CNTN5: variants seen among roughly 807,000 people sequenced by gnomAD.
The protein encoded by CNTN5 is contactin 5, also known as contactin-5.
CNTN5 carries 77 observed loss-of-function variants against 129.1 expected under a neutral mutation model. The ratio of observed to expected loss-of-function variants is 0.60; its 90% CI spans 0.50 to 0.72. The LOEUF is 0.72. Among genes scored for constraint, CNTN5 ranks in the 30% least tolerant of loss-of-function variants. The pLI, the probability that CNTN5 is intolerant of heterozygous loss-of-function variation, is 0.00. For missense variants in CNTN5, 1,478 were observed against 1,328.8 expected (o/e 1.11, Z -1.75); for synonymous variants, 509 against 465.6 (o/e 1.09, Z -1.20).
intron 2 of CNTN5, among the ~76,000 whole-genome samples, chr11:99,370,357 C>A (rs377169921): frequency 1.3e-5 from 2 of 152,064 alleles, no homozygotes; most frequent in Non-Finnish European, 2.9e-5. Flanking sequence ...GTTTTTAGGT[C>A]GCAAAGAAAA....
At chr11:99,851,668 C>T (rs1411780119) in intron 6 of CNTN5, among the ~76,000 whole-genome samples, 1 of 152,208 alleles carries the variant, frequency 6.6e-6, no homozygotes, top group East Asian at 1.9e-4. Flanking sequence ...TAGTTCCTAT[C>T]TAAATTTGAA....
chr11:100,156,939 G>C (rs1947264307), intron 13 of CNTN5, among the ~76,000 whole-genome samples: 2 of 151,832 alleles, frequency 1.3e-5, no homozygotes, highest in South Asian at 4.2e-4. Flanking sequence ...TAAAAAACCA[G>C]CTCCTGGATT....
At chr11:100,079,629 G>A (rs1053956307) in intron 13 of CNTN5, among the ~76,000 whole-genome samples, 4 of 150,974 alleles carry the variant, frequency 2.6e-5, no homozygotes, top group African/African-American at 4.8e-5. Context: ...TAGAAATGAA[G>A]TATTTTAAAG....
intron 13 of CNTN5, among the ~76,000 whole-genome samples, chr11:100,124,223 T>G (rs1022429638): frequency 1.1e-4 from 17 of 152,048 alleles, no homozygotes; most frequent in Non-Finnish European, 1.8e-4. Flanking sequence ...AAAGACAGAA[T>G]ATGAGCCCAG....
intron 7 of CNTN5, among the ~76,000 whole-genome samples, chr11:99,944,139 A>G (rs956791761): frequency 1.3e-5 from 2 of 151,906 alleles, no homozygotes; most frequent in African/African-American, 2.4e-5. Context: ...CAGTATGGTC[A>G]TTTTCATAAT....
At chr11:100,330,225 G>T (rs539576274) in intron 21 of CNTN5, among the ~76,000 whole-genome samples, 4 of 152,130 alleles carry the variant, frequency 2.6e-5, no homozygotes, top group Non-Finnish European at 5.9e-5. Context: ...GCAGAGGAAA[G>T]AACTCTGGAG....
At chr11:100,327,583 AT>A (rs1951816617) in intron 21 of CNTN5, among the ~76,000 whole-genome samples, 1 of 152,138 alleles carries the variant, frequency 6.6e-6, no homozygotes, top group Non-Finnish European at 1.5e-5. Context: ...CGAGTTTTAC[AT>A]TTGTGGGTGT....
intron 18 of CNTN5, among the ~76,000 whole-genome samples, chr11:100,276,863 T>A (rs937446953): frequency 6.6e-6 from 1 of 152,046 alleles, no homozygotes; most frequent in African/African-American, 2.4e-5. Flanking sequence ...AATTTTTTTT[T>A]TTTACTATAG....
At chr11:99,669,444 G>A (rs1437588055) in intron 3 of CNTN5, among the ~76,000 whole-genome samples, 1 of 61,092 alleles carries the variant, frequency 1.6e-5, no homozygotes, top group African/African-American at 4.9e-5. Context: ...TAAATATGGT[G>A]TGTGTGTGTG....
intron 1 of CNTN5, among the ~76,000 whole-genome samples, chr11:99,034,455 T>C (rs1286767669): frequency 3.3e-5 from 5 of 151,736 alleles, no homozygotes; most frequent in African/African-American, 1.2e-4. Flanking sequence ...GACCCTGTTA[T>C]TGGTCTATTC....
At chr11:100,258,842 T>C (rs1356432340) in intron 17 of CNTN5, among the ~76,000 whole-genome samples, 2 of 152,152 alleles carry the variant, frequency 1.3e-5, no homozygotes, top group East Asian at 3.9e-4. Context: ...TGCAAAAACA[T>C]ACCAAATTGT....
intron 13 of CNTN5, among the ~76,000 whole-genome samples, chr11:100,188,329 G>GA (rs1948367681): frequency 1.3e-5 from 2 of 152,048 alleles, no homozygotes; most frequent in South Asian, 4.2e-4. Context: ...GGGGCGAGGA[G>GA]AGACCTGAGG....
At chr11:99,614,047 C>T (rs1432555132) in intron 3 of CNTN5, among the ~76,000 whole-genome samples, 1 of 152,110 alleles carries the variant, frequency 6.6e-6, no homozygotes, top group East Asian at 1.9e-4. Context: ...AAAAGATTAG[C>T]AAAGTTTTAT....
chr11:99,756,586 A>G (rs1242817080), intron 3 of CNTN5, among the ~76,000 whole-genome samples: 1 of 152,090 alleles, frequency 6.6e-6, no homozygotes, highest in Admixed American at 6.6e-5. Context: ...TACACACTCA[A>G]AGAATGGAAT....
intron 9 of CNTN5, among the ~76,000 whole-genome samples, chr11:100,042,390 A>T (rs1218806044): frequency 1.3e-5 from 2 of 152,002 alleles, no homozygotes; most frequent in Admixed American, 6.6e-5. Context: ...TTTTTGTGCA[A>T]GTCACAAAGG....
At chr11:99,331,947 AAG>A (rs749122699) in intron 2 of CNTN5, among the ~76,000 whole-genome samples, 1 of 152,092 alleles carries the variant, frequency 6.6e-6, no homozygotes, top group Non-Finnish European at 1.5e-5. Flanking sequence ...AATGAATAAA[AAG>A]AGAGACGTGG....
chr11:100,059,543 C>T (rs1470643097), intron 9 of CNTN5, among the ~76,000 whole-genome samples: 1 of 152,036 alleles, frequency 6.6e-6, no homozygotes, highest in East Asian at 1.9e-4. Context: ...AAAACATAAG[C>T]AAACATTTCA....
At chr11:99,293,587 G>T (rs915454111) in intron 1 of CNTN5, among the ~76,000 whole-genome samples, 3 of 151,974 alleles carry the variant, frequency 2.0e-5, no homozygotes, top group African/African-American at 7.2e-5. Flanking sequence ...ATTACTACTT[G>T]TATCTCATTG....
At chr11:100,059,376 C>T (rs549714574) in intron 9 of CNTN5, among the ~76,000 whole-genome samples, 2 of 152,044 alleles carry the variant, frequency 1.3e-5, no homozygotes, top group South Asian at 2.1e-4. Flanking sequence ...AAACTATAGA[C>T]GTGTTTTCTT....
Sources: gnomAD v4.1 joint callset for allele counts (sites outside exome capture counted in the v4.1 genomes callset) on GRCh38, gnomAD v4.1.1 for gene constraint, MANE v1.5 for transcripts, NCBI Gene and HGNC (gene_info 2026-07-23, HGNC 2026-07-21) for gene names.